Variants in GC observed in about 807,000 individuals in gnomAD.
The protein encoded by GC is GC vitamin D binding protein.
In GC, 43 loss-of-function variants were observed where a neutral mutation model predicts 56.7. That is an observed-to-expected ratio of 0.76 (90% CI 0.59 to 0.98). The LOEUF (loss-of-function observed/expected upper bound fraction) is 0.98. Among genes scored for constraint, GC ranks in the 50% least tolerant of loss-of-function variants. GC has a pLI of 0.00. For synonymous variants in GC, 216 were observed against 202.7 expected (o/e 1.07, Z -0.56); for missense variants, 529 against 545.9 (o/e 0.97, Z 0.31).
intron 1 of GC, among the ~76,000 whole-genome samples, chr4:71,796,615 C>T (rs943286051): frequency 2.0e-5 from 3 of 152,164 alleles, no homozygotes. Flanking sequence ...GAACATGCTC[C>T]TTTAGTTTGG....
chr4:71,802,760 G>C (rs891652566), intron 1 of GC, among the ~76,000 whole-genome samples: 106 of 152,316 alleles, frequency 7.0e-4, no homozygotes, highest in African/African-American at 2.4e-3. Context: ...CTCATTCAGT[G>C]AAACAATCAT....
Position 71,756,811 on chromosome 4 carries a change from G to T in GC, c.935C>A (p.Thr312Asn). The T allele has an allele frequency of 6.2e-7, 1 of 1,613,242 alleles. No homozygotes were observed. Among genetic ancestry groups the T allele is most frequent in the Non-Finnish European group, 8.5e-7 (1 of 1,179,220 alleles). ...EKTAMDVFVC[T>N]YFMPAAQLPE... ...GAGTTGGGCAGCTGGCATGAAGTAA[G>T]TGCACACAAAAACGTCCATGGCTGT... The change falls in exon 8 of 13, where the codon ACT becomes AAT. Residue 312 changes from threonine to asparagine, a missense_variant. Thr to Asn is a moderately conservative substitution (Grantham distance 65, BLOSUM62 0). Coordinates refer to ENST00000273951, the MANE Select transcript of GC (RefSeq NM_000583.4).
At chr4:71,786,876 TC>T (rs1211691855), upstream of GC, among the ~76,000 whole-genome samples, 1 of 151,902 alleles carries the variant, frequency 6.6e-6, no homozygotes, top group Non-Finnish European at 1.5e-5. Context: ...GTTCAGATTC[TC>T]TTTATACTAT....
At chr4:71,760,263 A>G (rs1226198260) in intron 6 of GC, among the ~76,000 whole-genome samples, 2 of 151,004 alleles carry the variant, frequency 1.3e-5, no homozygotes, top group Admixed American at 6.6e-5. Flanking sequence ...CGTGTTAGCC[A>G]GGATGATCTC....
chr4:71,746,287 T>C (rs1741360974), intron 11 of GC, 82 bp from the exon 12 acceptor site: 4 of 649,996 alleles, frequency 6.2e-6, no homozygotes, highest in East Asian at 5.6e-5. Context: ...GTATACAAAA[T>C]CTTGAAACCT....
rs116134435 is a variant in GC, at chr4:71,765,465, G to A, written c.440C>T (p.Ala147Val). 2.1e-4 allele frequency: 338 copies of A among 1,613,782 alleles called. No homozygotes were observed. Among genetic ancestry groups the A allele is most frequent in the East Asian group, 3.3e-4 (15 of 44,872 alleles). Residue 147 changes from alanine (A) to valine (V), a missense_variant, in exon 4 of 13, where the codon GCG (alanine) becomes GTG (valine). Ala to Val is a moderately conservative substitution (Grantham distance 64, BLOSUM62 0). Coordinates refer to ENST00000273951, the MANE Select transcript of GC (RefSeq NM_000583.4). ...VEPTNDEICE[A>V]FRKDPKEYAN... is the part of the protein sequence containing the mutation. ...ATATTCCTTTGGATCTTTCCTGAAC[G>A]CCTCACAGATTTCATCATTTGTGGG...
chr4:71,743,364 T>C lies in GC; in HGVS notation c.*26-1494A>G, dbSNP rs373046588. 1.6e-4 allele frequency among the ~76,000 whole-genome samples: 25 copies of C among 152,306 alleles called. No homozygotes were observed. The East Asian group carries it at 2.1e-3, about 13-fold the overall frequency. On this transcript the variant is annotated intron_variant, in intron 12 of 12. Coordinates refer to ENST00000273951, the MANE Select transcript of GC (RefSeq NM_000583.4). ...ATGTGCCACTTCTGCAGATCACCTG[T>C]TACAACAAGGGAAAAATCATTGAAG...
upstream of GC, among the ~76,000 whole-genome samples, chr4:71,804,530 TATC>T (rs1743319521): frequency 6.6e-6 from 1 of 151,942 alleles, no homozygotes; most frequent in South Asian, 2.1e-4. Context: ...TTGCAAAACT[TATC>T]ATATTCTGCC....
At chr4:71,748,336 TG>T (rs1293096209) in intron 11 of GC, among the ~76,000 whole-genome samples, 1 of 151,980 alleles carries the variant, frequency 6.6e-6, no homozygotes, top group South Asian at 2.1e-4. Flanking sequence ...AGACAGGTGG[TG>T]GGGGGTAGAC....
chr4:71,776,733 T>C (rs1303768266), intron 1 of GC, among the ~76,000 whole-genome samples: 1 of 151,916 alleles, frequency 6.6e-6, no homozygotes, highest in Non-Finnish European at 1.5e-5. Context: ...GATATCAAAC[T>C]ATTCCATTGT....
intron 3 of GC, among the ~76,000 whole-genome samples, chr4:71,766,848 A>C (rs1742173476): frequency 6.6e-6 from 1 of 152,158 alleles, no homozygotes; most frequent in African/African-American, 2.4e-5. Context: ...AAGGTTGACA[A>C]AATGTCAAAA....
At chr4:71,744,286 C>CAA (rs748337307) in intron 12 of GC, among the ~76,000 whole-genome samples, 135 of 83,576 alleles carry the variant, frequency 1.6e-3, no homozygotes, top group African/African-American at 3.3e-3. Context: ...ACTAAAAATA[C>CAA]AAAAAAAAAA....
chr4:71,768,368 T>C lies in GC; in HGVS notation c.194A>G (p.Lys65Arg). Residue 65 changes from lysine (K) to arginine (R), a missense_variant, in exon 3 of 13, where the codon AAG (lysine) becomes AGG (arginine). Transcript: ENST00000273951. ...GGCTTCGGTCAAGGAGACAACTTCC[T>C]TCACAAGTTGGCTGACCTGTTCAAA... Reference protein sequence around the residue: ...GTFEQVSQLVKEVVSLTEACC... With the variant: ...GTFEQVSQLVREVVSLTEACC... 6.2e-7 allele frequency: 1 copy of C among 1,613,378 alleles called. No homozygotes were observed. The highest frequency in any genetic ancestry group is 1.3e-5 in the African/African-American group (1 of 75,028).
upstream of GC, among the ~76,000 whole-genome samples, chr4:71,785,440 A>G (rs1003468099): frequency 5.9e-5 from 9 of 151,794 alleles, no homozygotes; most frequent in Admixed American, 5.9e-4. Context: ...GATTATCTAC[A>G]TGGGCAGAGT....
At chr4:71,773,234 A>G (rs1350336308) in intron 1 of GC, among the ~76,000 whole-genome samples, 1 of 152,122 alleles carries the variant, frequency 6.6e-6, no homozygotes, top group African/African-American at 2.4e-5. Context: ...GACCCCCCAC[A>G]GTACTAAGTG....
chr4:71,772,755 G>A (rs1191117203), intron 1 of GC, among the ~76,000 whole-genome samples: 1 of 152,022 alleles, frequency 6.6e-6, no homozygotes, highest in African/African-American at 2.4e-5. Context: ...AGCTCAAGAG[G>A]GATATTGAGA....
At chr4:71,778,915 A>ATTATTG (rs1459118051) in intron 1 of GC, among the ~76,000 whole-genome samples, 12 of 147,786 alleles carry the variant, frequency 8.1e-5, no homozygotes, top group African/African-American at 2.5e-4. Context: ...TATTATTATT[A>ATTATTG]TTATTATTGG....
chr4:71,798,996 T>G (rs1184570850), intron 1 of GC, among the ~76,000 whole-genome samples: 3 of 152,220 alleles, frequency 2.0e-5, no homozygotes, highest in Non-Finnish European at 4.4e-5. Flanking sequence ...TATTTGCAGA[T>G]TTGGGAATCA....
Position 71,746,576 on chromosome 4 carries a change from T to G in GC, c.1396-371A>C, listed in dbSNP as rs561322305. 4.0e-3 allele frequency among the ~76,000 whole-genome samples: 611 copies of G among 151,934 alleles called. 5 individuals carry two copies. The highest frequency in any genetic ancestry group is 0.014 in the African/African-American group (574 of 41,426). ...TGAACTCTAAAGCCTGATGAATGAT[T>G]CAGCCACGGCAAGCCTGATGAGAAA... On this transcript the variant is annotated intron_variant, in intron 11 of 12. Transcript: ENST00000273951.
Sources: gnomAD v4.1 joint callset for allele counts (sites outside exome capture counted in the v4.1 genomes callset) on GRCh38, gnomAD v4.1.1 for gene constraint, MANE v1.5 for transcripts, NCBI Gene and HGNC (gene_info 2026-07-23, HGNC 2026-07-21) for gene names.